Variants in CSMD1 observed in about 807,000 individuals in gnomAD.
The protein encoded by CSMD1 is CUB and sushi domain-containing protein 1.
A neutral mutation model predicts 417.5 loss-of-function variants in CSMD1; 213 were observed. That is an observed-to-expected ratio of 0.51 (90% confidence interval 0.46 to 0.57). The LOEUF is 0.57. CSMD1 is among the 20% of genes least tolerant of loss of function. CSMD1 has a pLI of 0.00. For synonymous variants in CSMD1, 2,862 were observed against 1,736.8 expected (o/e 1.65, Z -16.11); for missense variants, 6,923 against 4,529.7 (o/e 1.53, Z -15.17).
intron 1 of CSMD1, among the ~76,000 whole-genome samples, chr8:4,929,973 C>A (rs1435582316): frequency 6.6e-6 from 1 of 152,158 alleles, no homozygotes; most frequent in Non-Finnish European, 1.5e-5. Flanking sequence ...GTTGTGAGAT[C>A]AGGAATTTTA....
chr8:4,817,112 T>C (rs1799252327), intron 1 of CSMD1, among the ~76,000 whole-genome samples: 1 of 151,966 alleles, frequency 6.6e-6, no homozygotes. Flanking sequence ...CATGCCTCCA[T>C]GTATCTGTAT....
chr8:3,770,223 C>G (rs1300415760), intron 5 of CSMD1, among the ~76,000 whole-genome samples: 1 of 152,148 alleles, frequency 6.6e-6, no homozygotes, highest in African/African-American at 2.4e-5. Context: ...GGCTTCTTTC[C>G]TTGGTGCAAG....
chr8:3,201,564 C>A, intron 32 of CSMD1, 48 bp downstream of exon 32: 3 of 933,584 alleles, frequency 3.2e-6, no homozygotes, highest in South Asian at 1.9e-5. Flanking sequence ...AAAATTAATC[C>A]CCCTAGCTGT....
At position 2,962,664 on chromosome 8, in the gene CSMD1, T is replaced by A. The variant is rs531978033; in HGVS notation, c.9455-25A>T. On this transcript the variant is annotated intron_variant, in intron 60 of 69. Coordinates refer to ENST00000635120, the MANE Select transcript of CSMD1 (RefSeq NM_033225.6). ...GCTATGGAAGATAACCAGGAAGAAG[T>A]CAGCCTTCAACGTCCCTGGATCAGC... 23 of 1,608,536 alleles carry A rather than the reference T, an allele frequency of 1.4e-5. No individual in the cohort carries two copies. The Admixed American group carries it at 2.5e-4, about 18-fold the overall frequency.
At chr8:4,350,632 G>GA (rs1485128461) in intron 3 of CSMD1, among the ~76,000 whole-genome samples, 2 of 152,194 alleles carry the variant, frequency 1.3e-5, no homozygotes, top group African/African-American at 4.8e-5. Context: ...CAATGGGCTA[G>GA]AGAATTGCGA....
chr8:3,164,705 G>A (rs749106224), intron 37 of CSMD1, among the ~76,000 whole-genome samples: 1 of 152,084 alleles, frequency 6.6e-6, no homozygotes, highest in Admixed American at 6.6e-5. Flanking sequence ...GTCATTCTGA[G>A]ATACTTCAAG....
chr8:4,067,814 C>A (rs1419156318), intron 3 of CSMD1, among the ~76,000 whole-genome samples: 1 of 151,880 alleles, frequency 6.6e-6, no homozygotes, highest in African/African-American at 2.4e-5. Context: ...TACAGTGGCT[C>A]ATGTCTGTGA....
At chr8:3,031,212 T>G (rs1810318288) in intron 50 of CSMD1, among the ~76,000 whole-genome samples, 1 of 148,834 alleles carries the variant, frequency 6.7e-6, no homozygotes, top group African/African-American at 2.5e-5. Flanking sequence ...TGCATTTAAT[T>G]TCACCAAAAA....
At chr8:3,762,885 G>A (rs1311159344) in intron 5 of CSMD1, among the ~76,000 whole-genome samples, 7 of 151,886 alleles carry the variant, frequency 4.6e-5, no homozygotes, top group African/African-American at 1.4e-4. Context: ...AGCTGCTGAT[G>A]AGAGCTGCTA....
At chr8:3,360,984 G>A (rs1224241287) in intron 20 of CSMD1, among the ~76,000 whole-genome samples, 5 of 151,732 alleles carry the variant, frequency 3.3e-5, no homozygotes, top group Admixed American at 2.0e-4. Flanking sequence ...TAGCTTACTG[G>A]TAAAGCTCTG....
chr8:3,184,980 T>C (rs1190953430), intron 36 of CSMD1, among the ~76,000 whole-genome samples: 1 of 152,216 alleles, frequency 6.6e-6, no homozygotes, highest in East Asian at 1.9e-4. Flanking sequence ...CCCTGTTTTG[T>C]CCTGGTTTGT....
chr8:4,284,882 C>A (rs190645726), intron 3 of CSMD1, among the ~76,000 whole-genome samples: 1 of 152,120 alleles, frequency 6.6e-6, no homozygotes. Context: ...TTAAAAAACA[C>A]TTTTCTGTCT....
chr8:4,278,486 A>G (rs1214429151), intron 3 of CSMD1, among the ~76,000 whole-genome samples: 2 of 152,258 alleles, frequency 1.3e-5, no homozygotes, highest in Non-Finnish European at 2.9e-5. Context: ...CAGCATTTTA[A>G]TATTAGGTTG....
rs922865000 is a variant in CSMD1 at position 3,441,077 on chromosome 8, A to G, written c.1561+27635T>C. On this transcript the variant is annotated intron_variant, in intron 12 of 69. Transcript: ENST00000635120. Reference sequence around the variant, plus strand: ...ATGAAACACATAGAGGAGAAAACAGACACCAAGAGAAACATGTGATATGAA... The same window carrying G: ...ATGAAACACATAGAGGAGAAAACAGGCACCAAGAGAAACATGTGATATGAA... 3.3e-5 allele frequency among the ~76,000 whole-genome samples: 5 copies of G among 152,196 alleles called. No individual in the cohort carries two copies. The East Asian group carries it at 9.6e-4, about 29-fold the overall frequency.
At chr8:3,547,725 T>C (rs1798734790) in intron 10 of CSMD1, among the ~76,000 whole-genome samples, 2 of 152,170 alleles carry the variant, frequency 1.3e-5, no homozygotes, top group African/African-American at 4.8e-5. Context: ...AAACAATAGA[T>C]CTTATTTTGG....
At chr8:4,628,869 T>C (rs1312705715) in intron 2 of CSMD1, among the ~76,000 whole-genome samples, 2 of 152,096 alleles carry the variant, frequency 1.3e-5, no homozygotes, top group Non-Finnish European at 2.9e-5. Context: ...TGATGGTGTT[T>C]TATTATGAGT....
intron 6 of CSMD1, among the ~76,000 whole-genome samples, chr8:3,734,538 C>A (rs1478352042): frequency 1.3e-5 from 2 of 152,150 alleles, no homozygotes; most frequent in African/African-American, 4.8e-5. Context: ...TGGTGAAACC[C>A]TGTCTCTACT....
At chr8:4,080,743 C>T (rs1715373008) in intron 3 of CSMD1, among the ~76,000 whole-genome samples, 1 of 152,150 alleles carries the variant, frequency 6.6e-6, no homozygotes, top group South Asian at 2.1e-4. Context: ...AATAATGTTT[C>T]ATTTTAATAT....
At chr8:4,538,074 G>C (rs538439147) in intron 2 of CSMD1, among the ~76,000 whole-genome samples, 17 of 151,896 alleles carry the variant, frequency 1.1e-4, no homozygotes, top group Non-Finnish European at 2.4e-4. Flanking sequence ...AATAATTCTG[G>C]AGACATTTTC....
Sources: allele counts gnomAD v4.1 joint callset (sites outside exome capture counted in the v4.1 genomes callset), GRCh38; gene constraint gnomAD v4.1.1; transcripts MANE v1.5; gene names NCBI Gene and HGNC (gene_info 2026-07-23, HGNC 2026-07-21).